DDX46: variants seen among roughly 807,000 people sequenced by gnomAD.
DDX46 encodes the protein DEAD-box helicase 46.
In DDX46, 30 loss-of-function variants were observed where a neutral mutation model predicts 134.9. The observed-to-expected ratio is 0.22, with a 90% CI of 0.17 to 0.30. The LOEUF (loss-of-function observed/expected upper bound fraction) is 0.30, where lower values mean the gene tolerates loss of function less well. Among genes scored for constraint, DDX46 ranks in the 10% least tolerant of loss-of-function variants. DDX46 has a pLI of 1.00. For missense variants in DDX46, 622 were observed against 1,248.7 expected, an observed-to-expected ratio of 0.50 and a Z score of 7.56; for synonymous variants, 415 against 404.1, an observed-to-expected ratio of 1.03 and a Z score of -0.32.
chr5:134,787,365 T>C (rs1754370148), intron 11 of DDX46, among the ~76,000 whole-genome samples: 1 of 152,236 alleles, frequency 6.6e-6, no homozygotes. Context: ...CTTTCTTTCC[T>C]GTAAGACTTC....
At chr5:134,809,735 G>A (rs989580320) in intron 16 of DDX46, among the ~76,000 whole-genome samples, 15 of 152,084 alleles carry the variant, frequency 9.9e-5, no homozygotes, top group African/African-American at 3.1e-4. Context: ...TTGGCCGGGC[G>A]CGGTGGCTCA....
chr5:134,828,722 A>AT lies in DDX46; in HGVS notation c.*21dup. 6.7e-7 allele frequency: 1 copy of AT among 1,494,476 alleles called. No individual in the cohort carries two copies. Among genetic ancestry groups the AT allele is most frequent in the Non-Finnish European group, 8.9e-7 (1 of 1,124,202 alleles). 92.6% of individuals were successfully genotyped at this position (1,494,476 alleles called of 1,614,324 possible). On this transcript the variant is annotated 3_prime_UTR_variant, in exon 23 of 23. Coordinates refer to ENST00000452510, the MANE Select transcript of DDX46 (RefSeq NM_001300860.2). ...AGTCTTATAGACATCCGGAAAAAAG[A>AT]TTTTTACCTGTGCTGGTCTATGATG...
At chr5:134,765,223 A>G (rs978631932) in intron 2 of DDX46, among the ~76,000 whole-genome samples, 6 of 151,286 alleles carry the variant, frequency 4.0e-5, no homozygotes, top group African/African-American at 1.5e-4. Flanking sequence ...CATGCTCCAC[A>G]AAGCCTGGAT....
chr5:134,758,844 T>G lies in DDX46; in HGVS notation c.-95T>G. ...AGGTGCTGCTAGTGTTTAGCGCTGG[T>G]CTTTGCCGGGCGTTGAGGGCAGCTC... On this transcript the variant is annotated 5_prime_UTR_variant, in exon 1 of 23. Coordinates refer to ENST00000452510, the MANE Select transcript of DDX46 (RefSeq NM_001300860.2). The G allele has an allele frequency of 6.3e-7, 1 of 1,590,624 alleles. No homozygotes were observed. Among genetic ancestry groups the G allele is most frequent in the Non-Finnish European group, 8.6e-7 (1 of 1,160,042 alleles).
intron 5 of DDX46, 46 bp from the exon 6 acceptor site, chr5:134,777,528 G>A: frequency 1.2e-6 from 2 of 1,604,116 alleles, no homozygotes; most frequent in Admixed American, 1.7e-5. Flanking sequence ...GTGAAATACT[G>A]CATTTTTAAA....
chr5:134,764,231 A>G, intron 2 of DDX46, 139 bp downstream of exon 2: 1 of 740,818 alleles, frequency 1.3e-6, no homozygotes. Flanking sequence ...TACTTGTTTG[A>G]TTAGACCCAG....
chr5:134,769,541 GTT>G (rs1194092241), intron 3 of DDX46, among the ~76,000 whole-genome samples: 3 of 113,300 alleles, frequency 2.6e-5, no homozygotes, highest in Non-Finnish European at 5.7e-5. Flanking sequence ...TTTTTTGTTT[GTT>G]TTTTTTTTTT....
intron 6 of DDX46, chr5:134,778,007 T>C: frequency 4.1e-6 from 1 of 246,440 alleles, no homozygotes; most frequent in Non-Finnish European, 7.6e-6. Context: ...CTAGCACTCC[T>C]GTCTTTGATA....
At chr5:134,814,839 C>T (rs1755243024) in intron 18 of DDX46, among the ~76,000 whole-genome samples, 1 of 151,980 alleles carries the variant, frequency 6.6e-6, no homozygotes, top group African/African-American at 2.4e-5. Flanking sequence ...TGGTCTTGAA[C>T]TCCTGGGCTC....
chr5:134,811,492 A>G (rs1755140711), intron 17 of DDX46, 134 bp downstream of exon 17: 7 of 1,268,018 alleles, frequency 5.5e-6, no homozygotes, highest in Non-Finnish European at 7.5e-6. Context: ...CTAGAGGGAA[A>G]AATGAGTGAA....
At chr5:134,825,856 T>C (rs1755575634) in intron 21 of DDX46, 1 of 152,172 alleles carries the variant, frequency 6.6e-6, no homozygotes, top group Non-Finnish European at 1.5e-5. Context: ...CTACAGCAAT[T>C]TTAGAATTAA....
At chr5:134,824,643 T>C (rs1755541481) in intron 21 of DDX46, among the ~76,000 whole-genome samples, 2 of 152,218 alleles carry the variant, frequency 1.3e-5, no homozygotes, top group Admixed American at 1.3e-4. Flanking sequence ...GGTTTGGTAA[T>C]TTAAGTGATC....
At chr5:134,778,978 C>G (rs1754045176) in intron 6 of DDX46, among the ~76,000 whole-genome samples, 1 of 152,152 alleles carries the variant, frequency 6.6e-6, no homozygotes, top group African/African-American at 2.4e-5. Context: ...CTCACTGCAA[C>G]TTCCACCTCC....
chr5:134,766,001 T>C (rs921822146), intron 2 of DDX46, among the ~76,000 whole-genome samples: 8 of 152,120 alleles, frequency 5.3e-5, no homozygotes, highest in African/African-American at 1.9e-4. Flanking sequence ...TCTAGTGAAG[T>C]CTCCATATTT....
intron 6 of DDX46, 50 bp downstream of exon 6, chr5:134,777,775 G>C: frequency 3.8e-6 from 6 of 1,560,578 alleles, no homozygotes; most frequent in Non-Finnish European, 5.2e-6. Context: ...TGGGTAACTT[G>C]AGTTCTCCAT....
intron 1 of DDX46, among the ~76,000 whole-genome samples, chr5:134,759,656 C>T (rs1162435039): frequency 6.6e-6 from 1 of 152,126 alleles, no homozygotes; most frequent in Admixed American, 6.6e-5. Context: ...ATGTATTTAG[C>T]AATGACTGAA....
At chr5:134,778,018 CTCTT>C in intron 6 of DDX46, 1 of 194,980 alleles carries the variant, frequency 5.1e-6, no homozygotes, top group Non-Finnish European at 1.0e-5. Context: ...GTCTTTGATA[CTCTT>C]TTTTTTTTTT....
intron 4 of DDX46, among the ~76,000 whole-genome samples, chr5:134,771,831 A>T (rs1030552953): frequency 6.6e-6 from 1 of 152,188 alleles, no homozygotes; most frequent in Non-Finnish European, 1.5e-5. Context: ...CTGTGGGAAA[A>T]TTTTCTAAAA....
intron 5 of DDX46, among the ~76,000 whole-genome samples, chr5:134,776,188 A>G (rs1323065914): frequency 6.6e-6 from 1 of 151,518 alleles, no homozygotes; most frequent in Admixed American, 6.6e-5. Flanking sequence ...TCAAGAGATC[A>G]AGATCATCCT....
Sources: allele counts gnomAD v4.1 joint callset (sites outside exome capture counted in the v4.1 genomes callset), GRCh38; gene constraint gnomAD v4.1.1; transcripts MANE v1.5; gene names NCBI Gene and HGNC (gene_info 2026-07-23, HGNC 2026-07-21).